ANKAR: variants seen among roughly 807,000 people sequenced by gnomAD.
The protein encoded by ANKAR is ankyrin and armadillo repeat-containing protein.
Under a neutral mutation model 146.2 loss-of-function variants are expected in ANKAR, and 136 were observed. The observed-to-expected ratio is 0.93, with a 90% confidence interval of 0.81 to 1.07. The LOEUF (loss-of-function observed/expected upper bound fraction) is 1.07. Among genes scored for constraint, ANKAR ranks in the 50% least tolerant of loss-of-function variants. The probability of loss-of-function intolerance (pLI) is 0.00; values close to 1 mark genes in which losing one functional copy is unlikely to be tolerated. For missense variants in ANKAR, 1,567 were observed against 1,679.9 expected, an observed-to-expected ratio of 0.93 and a Z score of 1.18; for synonymous variants, 500 against 575.8, an observed-to-expected ratio of 0.87 and a Z score of 1.88.
At chr2:189,762,841 T>C, downstream of ANKAR, 1 of 985,442 alleles carries the variant, frequency 1.0e-6, no homozygotes, top group Non-Finnish European at 1.2e-6. Context: ...GCTGTTCCGC[T>C]AGCGAGCGGC....
chr2:189,703,744 G>A (rs2038428078), intron 7 of ANKAR, among the ~76,000 whole-genome samples: 1 of 152,216 alleles, frequency 6.6e-6, no homozygotes, highest in Non-Finnish European at 1.5e-5. Flanking sequence ...CTGCCAAGGT[G>A]TAACCAGTAG....
rs111285603 is a variant in ANKAR, at chr2:189,728,095, A to T, written c.2875A>T (p.Lys959Ter). 1 of 1,601,984 alleles carries T rather than the reference A, an allele frequency of 6.2e-7. No homozygotes were observed. The highest frequency in any genetic ancestry group is 2.2e-5 in the East Asian group (1 of 44,740). Reference sequence around the variant, plus strand: ...AACTAAATATCTTTTAAAACTCCTAAAGGTAGGAATTTTATGATTACTGGT... The same window carrying T: ...AACTAAATATCTTTTAAAACTCCTATAGGTAGGAATTTTATGATTACTGGT... ...SLTKYLLKLL[K>*]AFQIDVKEQG... is the part of the protein sequence containing the mutation. Residue 959 changes from lysine (K) to a stop codon, truncating the protein, a stop_gained and splice_region_variant, in exon 13 of 23, where the codon AAG (lysine) becomes TAG (stop). Coordinates refer to ENST00000684021, the MANE Select transcript of ANKAR (RefSeq NM_001378068.1). LOFTEE classifies it high-confidence loss of function.
chr2:189,704,348 T>G (rs1401558738), intron 7 of ANKAR, among the ~76,000 whole-genome samples: 4 of 150,890 alleles, frequency 2.7e-5, no homozygotes, highest in Non-Finnish European at 3.0e-5. Context: ...TTTCACCATG[T>G]TGGCCAGGCT....
intron 12 of ANKAR, among the ~76,000 whole-genome samples, chr2:189,722,935 G>A (rs749781362): frequency 2.3e-4 from 34 of 150,552 alleles, no homozygotes; most frequent in Non-Finnish European, 3.7e-4. Context: ...TGAAATAAAA[G>A]TATTTTTTCC....
intron 2 of ANKAR, among the ~76,000 whole-genome samples, chr2:189,683,219 T>C (rs1175353171): frequency 6.6e-6 from 1 of 152,202 alleles, no homozygotes; most frequent in Non-Finnish European, 1.5e-5. Flanking sequence ...AGCTACCCAG[T>C]CTGTGCTTTT....
chr2:189,753,779 A>G, intron 18 of ANKAR: 1 of 944,982 alleles, frequency 1.1e-6, no homozygotes, highest in South Asian at 1.8e-5. Flanking sequence ...AGTCTTTCCT[A>G]TCCTGCATAA....
At chr2:189,691,830 C>T (rs1381771769) in intron 3 of ANKAR, among the ~76,000 whole-genome samples, 1 of 151,878 alleles carries the variant, frequency 6.6e-6, no homozygotes, top group Non-Finnish European at 1.5e-5. Flanking sequence ...GGCATGATCT[C>T]AGCTCACTGC....
In ANKAR at chr2:189,735,168, C is replaced by T. The variant is rs568334307; in HGVS notation, c.3423+1939C>T. Among the ~76,000 whole-genome samples the T allele has an allele frequency of 1.4e-4, 22 of 152,144 alleles. 1 individual carries two copies. The South Asian group carries it at 1.9e-3, about 13-fold the overall frequency. On this transcript the variant is annotated intron_variant, in intron 17 of 22. Coordinates refer to ENST00000684021, the MANE Select transcript of ANKAR (RefSeq NM_001378068.1). ...CTCCTCATGTGCACCCTTCTTCTCCCTTTTGTTACACATTCCACTCTCAAG... is the reference window on the plus strand; with the variant it reads ...CTCCTCATGTGCACCCTTCTTCTCCTTTTTGTTACACATTCCACTCTCAAG...
intron 10 of ANKAR, among the ~76,000 whole-genome samples, chr2:189,711,947 G>A (rs914868804): frequency 1.3e-5 from 2 of 152,190 alleles, no homozygotes. Flanking sequence ...ATTATATCTC[G>A]TGCCTGGCTC....
At position 189,744,768 on chromosome 2, in the gene ANKAR, T is replaced by C; in HGVS notation, c.4037T>C (p.Ile1346Thr). 1 of 1,595,086 alleles carries C rather than the reference T, an allele frequency of 6.3e-7. No individual in the cohort carries two copies. The highest frequency in any genetic ancestry group is 8.6e-7 in the Non-Finnish European group (1 of 1,164,586). The change falls in exon 22 of 23, where the codon ATA becomes ACA. Residue 1346 changes from isoleucine (I) to threonine (T), a missense_variant. Ile to Thr is a moderately conservative substitution (Grantham distance 89). Transcript: ENST00000684021. Reference protein sequence around the residue: ...LSLEKNGGPSIIPIFKRGKEH... With the variant: ...LSLEKNGGPSTIPIFKRGKEH... ...CTGGAGAAGAATGGAGGACCATCCA[T>C]AATTCCTATCTTTAAAAGAGGTAAT...
intron 18 of ANKAR, 93 bp downstream of exon 18, chr2:189,737,934 T>C: frequency 8.0e-7 from 1 of 1,251,798 alleles, no homozygotes; most frequent in Non-Finnish European, 1.1e-6. Flanking sequence ...GAAAAACGTT[T>C]ACTTATTTGT....
intron 18 of ANKAR, 83 bp from the exon 19 acceptor site, chr2:189,738,482 A>AG: frequency 1.1e-5 from 10 of 875,744 alleles, no homozygotes; most frequent in Non-Finnish European, 1.8e-5. Context: ...AATTAAAAAA[A>AG]AAACATAAAA....
chr2:189,754,200 G>GA (rs1351914372), intron 18 of ANKAR: 3 of 1,613,696 alleles, frequency 1.9e-6, no homozygotes, highest in African/African-American at 1.3e-5. Context: ...TCCAGTAAAA[G>GA]AAAAATCACA....
At chr2:189,753,810 C>T (rs2045656182) in intron 18 of ANKAR, 1 of 1,191,268 alleles carries the variant, frequency 8.4e-7, no homozygotes, top group Admixed American at 2.2e-5. Flanking sequence ...TCAGGGCTAG[C>T]ATAAGGCATA....
At chr2:189,711,301 G>A in intron 10 of ANKAR, 148 bp downstream of exon 10, 3 of 531,280 alleles carry the variant, frequency 5.6e-6, no homozygotes, top group South Asian at 3.6e-5. Flanking sequence ...TCATTTACCT[G>A]TCAACCATAT....
chr2:189,746,149 T>C (rs572238402), intron 22 of ANKAR, among the ~76,000 whole-genome samples: 5 of 152,326 alleles, frequency 3.3e-5, no homozygotes, highest in Admixed American at 3.3e-4. Context: ...CATAATGATA[T>C]TTAAAGTAGT....
chr2:189,723,571 T>C (rs2041546005), intron 12 of ANKAR, among the ~76,000 whole-genome samples: 1 of 152,180 alleles, frequency 6.6e-6, no homozygotes, highest in African/African-American at 2.4e-5. Context: ...CAGAAATTGA[T>C]TTTCTCCAGA....
intron 9 of ANKAR, 50 bp downstream of exon 9, chr2:189,707,196 G>A (rs1346551208): frequency 6.1e-6 from 6 of 990,270 alleles, no homozygotes; most frequent in African/African-American, 3.4e-5. Flanking sequence ...ATTCAGTTTA[G>A]TTATTGATAC....
At chr2:189,692,500 T>C (rs761655529) in intron 4 of ANKAR, 82 bp downstream of exon 4, 46 of 1,281,292 alleles carry the variant, frequency 3.6e-5, no homozygotes, top group Non-Finnish European at 4.7e-5. Flanking sequence ...CCTCTGTTGG[T>C]ACAGGCACTC....
Sources: gnomAD v4.1 joint callset for allele counts (sites outside exome capture counted in the v4.1 genomes callset) on GRCh38, gnomAD v4.1.1 for gene constraint, MANE v1.5 for transcripts, NCBI Gene and HGNC (gene_info 2026-07-23, HGNC 2026-07-21) for gene names.